STRIP2: variants seen among roughly 807,000 people sequenced by gnomAD.
STRIP2 encodes striatin-interacting protein 2.
A neutral mutation model predicts 107.1 loss-of-function variants in STRIP2; 84 were observed. The ratio of observed to expected loss-of-function variants is 0.78; its 90% CI spans 0.66 to 0.94. STRIP2 has a LOEUF of 0.94. Ranked by LOEUF, STRIP2 falls within the 40% of genes least tolerant of loss-of-function variation. The pLI is 0.00. For synonymous variants in STRIP2, 394 were observed against 400.4 expected (o/e 0.98, Z 0.19); for missense variants, 888 against 1,034.2 (o/e 0.86, Z 1.94).
At chr7:129,448,266 C>T (rs1489936797) in intron 3 of STRIP2, among the ~76,000 whole-genome samples, 2 of 152,120 alleles carry the variant, frequency 1.3e-5, no homozygotes, top group Admixed American at 6.5e-5. Flanking sequence ...TTTTGGGTGC[C>T]CTGGAATCAA....
rs1235009799 is a variant in STRIP2 at position 129,470,726 on chromosome 7, G to A, written c.1944+11G>A. Reference sequence around the variant, plus strand: ...ACTACTGAAAGTCTGGTAAGCAGATGGGGATTTGGTAGCCTTTGAAATTGC... The same window carrying A: ...ACTACTGAAAGTCTGGTAAGCAGATAGGGATTTGGTAGCCTTTGAAATTGC... On this transcript the variant is annotated intron_variant, in intron 18 of 20. Transcript: ENST00000249344. 1 of 1,612,804 alleles carries A rather than the reference G, an allele frequency of 6.2e-7. No individual in the cohort carries two copies. Among genetic ancestry groups the A allele is most frequent in the Middle Eastern group, 1.6e-4 (1 of 6,062 alleles).
rs1325271361 is a variant in STRIP2, at chr7:129,482,375, A to ATTTT, written c.2050-466_2050-465insTTTT. Reference sequence around the variant, plus strand: ...TCTCTCTATATATATATATATATATATATTTTTTTTTTTTTTTTTTGAGAC... The same window carrying ATTTT: ...TCTCTCTATATATATATATATATATATTTTTATTTTTTTTTTTTTTTTTTGAGAC... On this transcript the variant is annotated intron_variant, in intron 19 of 20. Transcript: ENST00000249344. Among the ~76,000 whole-genome samples the ATTTT allele has an allele frequency of 6.9e-4, 55 of 80,094 alleles. 1 individual carries two copies. Among genetic ancestry groups the ATTTT allele is most frequent in the African/African-American group, 2.0e-3 (43 of 21,034 alleles). 52.5% of individuals were successfully genotyped at this position (80,094 alleles called of 152,430 possible).
intron 3 of STRIP2, among the ~76,000 whole-genome samples, chr7:129,448,170 C>T (rs564080558): frequency 5.3e-5 from 8 of 152,212 alleles, no homozygotes; most frequent in African/African-American, 1.9e-4. Flanking sequence ...AGTCTGGGGG[C>T]CCACTGTAAG....
chr7:129,462,030 G>T (rs964565592), intron 13 of STRIP2, among the ~76,000 whole-genome samples: 2 of 152,204 alleles, frequency 1.3e-5, no homozygotes, highest in Admixed American at 1.3e-4. Context: ...GGTAGATTTG[G>T]TGTTGAGAAG....
chr7:129,458,087 T>C lies in STRIP2; in HGVS notation c.1039-128T>C. 1 of 777,670 alleles carries C rather than the reference T, an allele frequency of 1.3e-6. No individual in the cohort carries two copies. The highest frequency in any genetic ancestry group is 1.5e-5 in the South Asian group (1 of 67,862). The allele number at this position is 777,670 out of a possible 1,614,324, so 48.2% of individuals were successfully genotyped here. On this transcript the variant is annotated intron_variant, in intron 9 of 20. Transcript: ENST00000249344. This position sits in a 1 kb window ranked among gnomAD's most constrained non-coding sequence, Gnocchi z 4.6. ...TAGGTTAAGGTGGGGAATTGGATGT[T>C]TTCGCAAGGGCTGTGTTCAGATTCC...
In STRIP2 at chr7:129,479,649, C is replaced by T. The variant is rs958796010; in HGVS notation, c.1945-1136C>T. Among the ~76,000 whole-genome samples the T allele has an allele frequency of 2.0e-5, 3 of 151,748 alleles. No homozygotes were observed. The East Asian group carries it at 5.8e-4, about 29-fold the overall frequency. The stretch of plus-strand genomic sequence containing the variant: ...GGATTACAGGCTCCTGCCACCATGC[C>T]CAGCTAATTTTTTAATTTTTTTAGT... On this transcript the variant is annotated intron_variant, in intron 18 of 20. Transcript: ENST00000249344.
intron 6 of STRIP2, 92 bp downstream of exon 6, chr7:129,454,302 G>C: frequency 6.7e-7 from 1 of 1,495,846 alleles, no homozygotes. Flanking sequence ...AGACCATTAG[G>C]AAGTTGCCCT....
At chr7:129,436,620 A>G (rs56735282) in intron 1 of STRIP2, among the ~76,000 whole-genome samples, 1 of 152,356 alleles carries the variant, frequency 6.6e-6, no homozygotes, top group East Asian at 1.9e-4. Flanking sequence ...ACCTGCCAGT[A>G]CATCCCCTAT....
chr7:129,482,351 C>CTA (rs1562920459), intron 19 of STRIP2, among the ~76,000 whole-genome samples: 1 of 67,792 alleles, frequency 1.5e-5, no homozygotes, highest in Non-Finnish European at 3.4e-5. Context: ...CTCTCTCTCT[C>CTA]TCTCTATATA....
rs762005841 is a variant in STRIP2 at position 129,459,488 on chromosome 7, T to C, written c.1341-29T>C. ...CAGTAGTTCTCGTACTTTGGAAGCT[T>C]ATGATCTGGTATGTCTGGCCTTTTA... On this transcript the variant is annotated intron_variant, in intron 11 of 20. Coordinates refer to ENST00000249344, the MANE Select transcript of STRIP2 (RefSeq NM_020704.3). 10 of 1,606,388 alleles carry C rather than the reference T, an allele frequency of 6.2e-6. No individual in the cohort carries two copies. In the East Asian group the frequency reaches 2.0e-4, roughly 32 times the overall value.
chr7:129,460,461 G>A (rs543520035), intron 13 of STRIP2, 89 bp downstream of exon 13: 101 of 1,051,182 alleles, frequency 9.6e-5, no homozygotes, highest in Non-Finnish European at 1.3e-4. Context: ...CATTCATTCA[G>A]CATATTAGGC....
chr7:129,453,362 G>C lies in STRIP2; in HGVS notation c.530+15G>C. 2 of 1,613,938 alleles carry C rather than the reference G, an allele frequency of 1.2e-6. No homozygotes were observed. Among genetic ancestry groups the C allele is most frequent in the Non-Finnish European group, 1.7e-6 (2 of 1,179,924 alleles). On this transcript the variant is annotated intron_variant, in intron 5 of 20. Coordinates refer to ENST00000249344, the MANE Select transcript of STRIP2 (RefSeq NM_020704.3). Reference sequence around the variant, plus strand: ...ATGGAAATTGAGTGAGAAGCCTTAGGGGAAGGGCTGGCCTACATAACCCCC... The same window carrying C: ...ATGGAAATTGAGTGAGAAGCCTTAGCGGAAGGGCTGGCCTACATAACCCCC...
chr7:129,440,081 C>T lies in STRIP2; in HGVS notation c.189C>T (p.Ala63=), dbSNP rs1296767105. ...ATGGAGATGCAGATGGGCATGCAGC[C>T]GAGTTGTCAGGTATGAGGTAGATGG... is the stretch of plus-strand genomic sequence containing the variant. ...FEYGDADGHA[A]ELSELYSYTE... Residue 63 remains alanine, a synonymous_variant, in exon 2 of 21, where the codon GCC becomes GCT. Transcript: ENST00000249344. 12 of 1,614,004 alleles carry T rather than the reference C, an allele frequency of 7.4e-6. No individual in the cohort carries two copies. The highest frequency in any genetic ancestry group is 1.6e-4 in the Middle Eastern group (1 of 6,062).
intron 15 of STRIP2, 122 bp downstream of exon 15, chr7:129,464,263 GCC>G (rs917141012): frequency 3.1e-5 from 24 of 771,042 alleles, no homozygotes; most frequent in Non-Finnish European, 5.0e-5. Flanking sequence ...CCCCGTCTCT[GCC>G]CACCAGTACC....
At chr7:129,456,319 A>G in intron 8 of STRIP2, 120 bp from the exon 9 acceptor site, 1 of 804,914 alleles carries the variant, frequency 1.2e-6, no homozygotes, top group South Asian at 1.8e-5. Context: ...CTTATTAAGG[A>G]AAAGGTCTGA....
Position 129,465,507 on chromosome 7 carries a change from C to T in STRIP2, c.1776+769C>T, listed in dbSNP as rs879754629. 9.2e-5 allele frequency among the ~76,000 whole-genome samples: 14 copies of T among 152,160 alleles called. No homozygotes were observed. In the South Asian group the frequency reaches 2.1e-3, roughly 23 times the overall value. On this transcript the variant is annotated intron_variant, in intron 16 of 20. Coordinates refer to ENST00000249344, the MANE Select transcript of STRIP2 (RefSeq NM_020704.3). ...TGGTGACACAGGAAGCTGGAGGAAT[C>T]GGCAAGGAGCAAATCATAATCTATA...
chr7:129,450,116 T>A (rs1356760903), intron 3 of STRIP2, among the ~76,000 whole-genome samples: 3 of 152,210 alleles, frequency 2.0e-5, no homozygotes, highest in Admixed American at 1.3e-4. Context: ...TAGAAGTAGA[T>A]TTCTTAGCAT....
chr7:129,468,605 C>G (rs1016447189), intron 17 of STRIP2, among the ~76,000 whole-genome samples: 3 of 152,192 alleles, frequency 2.0e-5, no homozygotes, highest in African/African-American at 7.2e-5. Flanking sequence ...ATACGGAGAC[C>G]TGTGCACTGG....
intron 1 of STRIP2, among the ~76,000 whole-genome samples, chr7:129,438,076 A>G (rs1297284564): frequency 6.6e-6 from 1 of 152,212 alleles, no homozygotes; most frequent in African/African-American, 2.4e-5. Flanking sequence ...AAGTGTTGGG[A>G]TTACAGGCGT....
Sources: allele counts gnomAD v4.1 joint callset (sites outside exome capture counted in the v4.1 genomes callset), GRCh38; gene constraint gnomAD v4.1.1; non-coding constraint Gnocchi (gnomAD v3.1); transcripts MANE v1.5; gene names NCBI Gene and HGNC (gene_info 2026-07-23, HGNC 2026-07-21).